The following RASSF5 variants were observed in gnomAD, a reference collection of about 807,000 sequenced individuals.
The protein encoded by RASSF5 is Ras association domain family member 5.
In RASSF5, 25 loss-of-function variants were observed where a neutral mutation model predicts 40.5. That is an observed-to-expected ratio of 0.62 (90% CI 0.45 to 0.86). The LOEUF is 0.86. RASSF5 is among the 40% of genes least tolerant of loss of function. RASSF5 has a pLI of 0.00. For missense variants in RASSF5, 521 were observed against 572.8 expected, an observed-to-expected ratio of 0.91 and a Z score of 0.92; for synonymous variants, 246 against 252.4, an observed-to-expected ratio of 0.97 and a Z score of 0.24.
At chr1:206,512,452 C>A (rs939690557) in intron 1 of RASSF5, among the ~76,000 whole-genome samples, 5 of 152,162 alleles carry the variant, frequency 3.3e-5, no homozygotes, top group South Asian at 2.1e-4. Flanking sequence ...CAGGTACAGT[C>A]AAAAATGATT....
At chr1:206,534,780 C>G (rs1278235611) in intron 1 of RASSF5, among the ~76,000 whole-genome samples, 1 of 152,214 alleles carries the variant, frequency 6.6e-6, no homozygotes, top group African/African-American at 2.4e-5. Context: ...TCCTCACCCT[C>G]GGGCTAGCAC....
intron 2 of RASSF5, among the ~76,000 whole-genome samples, chr1:206,548,473 G>A (rs1401629413): frequency 6.6e-6 from 1 of 152,068 alleles, no homozygotes; most frequent in Non-Finnish European, 1.5e-5. Flanking sequence ...CCATGGGGAG[G>A]GCACCAAGAC....
intron 1 of RASSF5, among the ~76,000 whole-genome samples, chr1:206,520,482 C>T (rs1216792268): frequency 6.6e-6 from 1 of 151,956 alleles, no homozygotes; most frequent in Non-Finnish European, 1.5e-5. Flanking sequence ...AGATGGGCAC[C>T]TGTAATCCCA....
At chr1:206,532,366 C>A (rs1299648429) in intron 1 of RASSF5, among the ~76,000 whole-genome samples, 3 of 152,098 alleles carry the variant, frequency 2.0e-5, no homozygotes, top group Non-Finnish European at 2.9e-5. Flanking sequence ...TACTATGATT[C>A]CTGTTTTAGG....
In RASSF5 at chr1:206,584,876, G is replaced by A. The variant is rs1233399255; in HGVS notation, c.988+192G>A. On this transcript the variant is annotated intron_variant, in intron 4 of 5. Coordinates refer to ENST00000579436, the MANE Select transcript of RASSF5 (RefSeq NM_182663.4). The surrounding 1 kb of genome is among the most constrained non-coding windows in gnomAD (Gnocchi z 4.9). ...AAGAGCAGAGTCCCTGACTCTGCAT[G>A]TGACTTCAGGAAAACCACACCCTAG... 1 of 638,278 alleles carries A rather than the reference G, an allele frequency of 1.6e-6. No individual in the cohort carries two copies. Among genetic ancestry groups the A allele is most frequent in the African/African-American group, 1.8e-5 (1 of 54,448 alleles). The allele number at this position is 638,278 out of a possible 1,614,324, so 39.5% of individuals were successfully genotyped here.
At chr1:206,524,218 A>G (rs1247916098) in intron 1 of RASSF5, among the ~76,000 whole-genome samples, 2 of 138,564 alleles carry the variant, frequency 1.4e-5, no homozygotes, top group Non-Finnish European at 3.0e-5. Flanking sequence ...TACTTTATAT[A>G]TAATATAGAT....
rs1669188353 is a variant in RASSF5, at chr1:206,587,960, T to G, written c.*982T>G. On this transcript the variant is annotated 3_prime_UTR_variant, in exon 6 of 6. Coordinates refer to ENST00000579436, the MANE Select transcript of RASSF5 (RefSeq NM_182663.4). ...TCGGCCTCCAGCACTGCCTCCCTCC[T>G]CCCACTGCGACTCTGGGATCTCCAG... 6.5e-6 allele frequency: 1 copy of G among 152,964 alleles called. No homozygotes were observed. The highest frequency in any genetic ancestry group is 6.5e-5 in the Admixed American group (1 of 15,286). 9.5% of individuals were successfully genotyped at this position (152,964 alleles called of 1,614,324 possible).
chr1:206,530,027 GGGTACTGAGTAAT>G (rs1382899908), intron 1 of RASSF5, among the ~76,000 whole-genome samples: 4 of 152,304 alleles, frequency 2.6e-5, no homozygotes, highest in East Asian at 1.9e-4. Flanking sequence ...GGTGTATGGT[GGGTACTGAGTAAT>G]GGTACCTGAT....
chr1:206,545,344 TG>T (rs146755967), intron 2 of RASSF5, among the ~76,000 whole-genome samples: 1,548 of 102,544 alleles, frequency 0.015, 28 homozygotes, highest in African/African-American at 0.061. Flanking sequence ...GAATTTCTTG[TG>T]TTTTTTTTTT....
intron 2 of RASSF5, among the ~76,000 whole-genome samples, chr1:206,546,087 CTATTTTTTTTTTT>C (rs1667679482): frequency 3.8e-5 from 1 of 26,450 alleles, no homozygotes; most frequent in Non-Finnish European, 7.7e-5. Context: ...TCTTCTTTTT[CTATTTTTTTTTTT>C]TTTTTTTTTT....
chr1:206,528,955 C>A, intron 1 of RASSF5: 2 of 652,610 alleles, frequency 3.1e-6, no homozygotes, highest in East Asian at 2.7e-5. Flanking sequence ...AAGGTGGCTC[C>A]TGTCGTGAAG....
intron 2 of RASSF5, among the ~76,000 whole-genome samples, chr1:206,539,198 A>T (rs969278998): frequency 6.6e-6 from 1 of 152,220 alleles, no homozygotes; most frequent in Non-Finnish European, 1.5e-5. Context: ...AGTGTTCACC[A>T]TGTGCCAGGC....
At chr1:206,557,402 G>A (rs1200420979) in intron 2 of RASSF5, 2 of 1,371,114 alleles carry the variant, frequency 1.5e-6, no homozygotes. Flanking sequence ...AAGAAACGCA[G>A]GCGGCCCGCC....
chr1:206,561,841 T>TTG (rs374597392), intron 2 of RASSF5, among the ~76,000 whole-genome samples: 2 of 40,958 alleles, frequency 4.9e-5, no homozygotes, highest in East Asian at 1.3e-3. Context: ...AAGTTTTGTG[T>TTG]TTTTTTTTTT....
chr1:206,585,523 G>C lies in RASSF5; in HGVS notation c.1104+228G>C, dbSNP rs184794688. 2.2e-4 allele frequency: 88 copies of C among 393,272 alleles called. No homozygotes were observed. The East Asian group carries it at 3.4e-3, about 15-fold the overall frequency. 24.4% of individuals were successfully genotyped at this position (393,272 alleles called of 1,614,324 possible). A position where few individuals can be genotyped will look rare whatever the true frequency, so the allele number is the denominator to read the frequency against. ...AGGGCCTGTGTGTGGCAAGGCCTGT[G>C]GAAAGAAAGGATTTCATGTGCTTTA... On this transcript the variant is annotated intron_variant, in intron 5 of 5. Coordinates refer to ENST00000579436, the MANE Select transcript of RASSF5 (RefSeq NM_182663.4).
chr1:206,527,703 C>T (rs969864497), intron 1 of RASSF5, among the ~76,000 whole-genome samples: 4 of 152,158 alleles, frequency 2.6e-5, no homozygotes, highest in African/African-American at 7.2e-5. Context: ...TCCCTGCTCC[C>T]TGCTAGGACA....
rs1667344774 is a variant in RASSF5, at chr1:206,535,127, C to T, written c.458-3045C>T. On this transcript the variant is annotated intron_variant, in intron 1 of 5. Coordinates refer to ENST00000579436, the MANE Select transcript of RASSF5 (RefSeq NM_182663.4). This position sits in a 1 kb window ranked among gnomAD's most constrained non-coding sequence, Gnocchi z 5.0. ...GCTACTCAGGAGACTGAGGTGAGCC[C>T]GGGAGGTGGAGTTTGCAGAGAGCCA... is the stretch of plus-strand genomic sequence containing the variant. Among the ~76,000 whole-genome samples, 1 of 152,098 alleles carries T rather than the reference C, an allele frequency of 6.6e-6. No individual in the cohort carries two copies. Among genetic ancestry groups the T allele is most frequent in the Admixed American group, 6.5e-5 (1 of 15,270 alleles).
chr1:206,557,812 A>C (rs1668032598), intron 2 of RASSF5: 1 of 1,159,292 alleles, frequency 8.6e-7, no homozygotes, highest in East Asian at 2.4e-5. Context: ...GAAAGTGGCC[A>C]GGCAGTTGCC....
intron 1 of RASSF5, among the ~76,000 whole-genome samples, chr1:206,534,995 C>T (rs1667342166): frequency 6.6e-6 from 1 of 152,172 alleles, no homozygotes; most frequent in Non-Finnish European, 1.5e-5. Context: ...CTTTGGGAGG[C>T]AGAGGTGGGC....
Sources: gnomAD v4.1 joint callset for allele counts (sites outside exome capture counted in the v4.1 genomes callset) on GRCh38, gnomAD v4.1.1 for gene constraint, Gnocchi (gnomAD v3.1) non-coding constraint, MANE v1.5 for transcripts, NCBI Gene and HGNC (gene_info 2026-07-23, HGNC 2026-07-21) for gene names.